ADK: variants seen among roughly 807,000 people sequenced by gnomAD.
The protein encoded by ADK is N6,N6-dimethyladenosine kinase.
Under a neutral mutation model 44.7 loss-of-function variants are expected in ADK, and 24 were observed. The observed-to-expected ratio is 0.54, with a 90% CI of 0.39 to 0.76. The LOEUF (loss-of-function observed/expected upper bound fraction) is 0.76, where lower values mean the gene tolerates loss of function less well. ADK is among the 30% of genes least tolerant of loss of function. The pLI is 0.00. For missense variants in ADK, 321 were observed against 425.1 expected (o/e 0.76, Z 2.15); for synonymous variants, 128 against 142.6 (o/e 0.90, Z 0.73).
At chr10:74,358,821 T>C (rs1333739562) in intron 4 of ADK, among the ~76,000 whole-genome samples, 1 of 152,246 alleles carries the variant, frequency 6.6e-6, no homozygotes, top group African/African-American at 2.4e-5. Flanking sequence ...GTAACATACA[T>C]AATTTGTAAA....
At chr10:74,658,761 A>C (rs1338087007) in intron 9 of ADK, among the ~76,000 whole-genome samples, 4 of 152,118 alleles carry the variant, frequency 2.6e-5, no homozygotes, top group Non-Finnish European at 5.9e-5. Context: ...AGAGTGCAGC[A>C]TGTAACATTT....
At chr10:74,536,481 TA>T (rs34777095) in intron 7 of ADK, among the ~76,000 whole-genome samples, 6,114 of 149,716 alleles carry the variant, frequency 0.041, 341 homozygotes, top group African/African-American at 0.13. Flanking sequence ...TTAATTCTGG[TA>T]AAAAAAAAAT....
intron 6 of ADK, among the ~76,000 whole-genome samples, chr10:74,405,928 T>G (rs1456398704): frequency 6.6e-6 from 1 of 152,156 alleles, no homozygotes; most frequent in African/African-American, 2.4e-5. Context: ...GAAAAGACCC[T>G]CTACAGAATT....
chr10:74,673,446 A>G (rs1057329217), intron 10 of ADK, among the ~76,000 whole-genome samples: 2 of 152,132 alleles, frequency 1.3e-5, no homozygotes, highest in East Asian at 1.9e-4. Context: ...AACTTCACTC[A>G]CTCGCTTCTC....
intron 3 of ADK, among the ~76,000 whole-genome samples, chr10:74,292,389 T>C (rs1365808242): frequency 6.6e-6 from 1 of 152,214 alleles, no homozygotes; most frequent in Non-Finnish European, 1.5e-5. Flanking sequence ...AATCATTTCT[T>C]TGCAGTGAAG....
intron 4 of ADK, among the ~76,000 whole-genome samples, chr10:74,387,137 A>G (rs773272897): frequency 2.6e-5 from 4 of 152,090 alleles, no homozygotes; most frequent in Non-Finnish European, 5.9e-5. Context: ...GTGTTTCACC[A>G]TGTTGGTCAG....
chr10:74,228,531 C>CA (rs1184681840), intron 3 of ADK, among the ~76,000 whole-genome samples: 4 of 152,024 alleles, frequency 2.6e-5, no homozygotes, highest in Non-Finnish European at 5.9e-5. Flanking sequence ...TTGTGCTAGG[C>CA]ATTAAAGAAA....
intron 4 of ADK, chr10:74,372,345 A>C: frequency 1.3e-6 from 1 of 746,968 alleles, no homozygotes; most frequent in South Asian, 1.4e-5. Context: ...TGAGCCTGCC[A>C]CGGAAGGCTG....
At chr10:74,627,498 C>T (rs1045223115) in intron 9 of ADK, among the ~76,000 whole-genome samples, 11 of 151,016 alleles carry the variant, frequency 7.3e-5, no homozygotes, top group Admixed American at 3.3e-4. Context: ...AGCTTTCTTT[C>T]GAAATGGCCT....
chr10:74,438,463 C>T (rs1358828333), intron 6 of ADK, among the ~76,000 whole-genome samples: 1 of 151,826 alleles, frequency 6.6e-6, no homozygotes, highest in East Asian at 1.9e-4. Flanking sequence ...AACTCCTGAC[C>T]TCGTGATCCC....
chr10:74,454,283 A>C (rs892804574), intron 6 of ADK, among the ~76,000 whole-genome samples: 1 of 152,186 alleles, frequency 6.6e-6, no homozygotes, highest in African/African-American at 2.4e-5. Flanking sequence ...TGAAGAAATG[A>C]TCACTGGAGA....
At chr10:74,576,432 A>G (rs1827809865) in intron 7 of ADK, among the ~76,000 whole-genome samples, 1 of 152,180 alleles carries the variant, frequency 6.6e-6, no homozygotes, top group South Asian at 2.1e-4. Context: ...GAAATTTTGG[A>G]TGGGAGTTAA....
At chr10:74,609,177 G>C (rs759190167) in intron 9 of ADK, among the ~76,000 whole-genome samples, 1 of 152,134 alleles carries the variant, frequency 6.6e-6, no homozygotes, top group Non-Finnish European at 1.5e-5. Context: ...GCTGGGCTCC[G>C]TCGGGGCAGG....
chr10:74,506,619 C>T (rs2133483184), intron 6 of ADK: 1 of 152,540 alleles, frequency 6.6e-6, no homozygotes, highest in East Asian at 1.9e-4. Flanking sequence ...GTGGTAGTTA[C>T]AACGTTGTTA....
rs928117507 is a variant in ADK at position 74,527,265 on chromosome 10, A to G, written c.726+1839A>G. On this transcript the variant is annotated intron_variant, in intron 7 of 10. Coordinates refer to ENST00000539909, the MANE Select transcript of ADK (RefSeq NM_006721.4). ...AGTCCCAGCTACTCGGGAGGCTGAG[A>G]CAGGAGAATGGCGTGAACCCAGGAG... 3.3e-5 allele frequency among the ~76,000 whole-genome samples: 5 copies of G among 152,080 alleles called. No homozygotes were observed. The East Asian group carries it at 9.7e-4, about 29-fold the overall frequency.
At chr10:74,448,663 A>T (rs1165910211) in intron 6 of ADK, among the ~76,000 whole-genome samples, 2 of 152,120 alleles carry the variant, frequency 1.3e-5, no homozygotes, top group Non-Finnish European at 2.9e-5. Flanking sequence ...ACTAAAGTAA[A>T]ATGTTGACAG....
chr10:74,184,443 C>G (rs1159756171), intron 1 of ADK, among the ~76,000 whole-genome samples: 4 of 152,282 alleles, frequency 2.6e-5, no homozygotes, highest in Non-Finnish European at 5.9e-5. Flanking sequence ...GATCCTCCCA[C>G]CTCAGCCCTC....
At chr10:74,190,981 C>CTTTT (rs61491732) in intron 1 of ADK, among the ~76,000 whole-genome samples, 3 of 134,962 alleles carry the variant, frequency 2.2e-5, no homozygotes, top group Admixed American at 7.6e-5. Flanking sequence ...CTATTTTTGA[C>CTTTT]TTTTTTTTTT....
chr10:74,347,971 G>A (rs1841833968), intron 4 of ADK, among the ~76,000 whole-genome samples: 1 of 152,300 alleles, frequency 6.6e-6, no homozygotes, highest in Admixed American at 6.5e-5. Flanking sequence ...CTGAGGGAAG[G>A]GGCGGCTGTG....
Sources: gnomAD v4.1 joint callset for allele counts (sites outside exome capture counted in the v4.1 genomes callset) on GRCh38, gnomAD v4.1.1 for gene constraint, MANE v1.5 for transcripts, NCBI Gene and HGNC (gene_info 2026-07-23, HGNC 2026-07-21) for gene names.